SNCAIP: variants seen among roughly 807,000 people sequenced by gnomAD.
SNCAIP encodes synuclein alpha interacting protein.
Under a neutral mutation model 86.7 loss-of-function variants are expected in SNCAIP, and 43 were observed. The ratio of observed to expected loss-of-function variants is 0.50; its 90% CI spans 0.39 to 0.64. SNCAIP has a LOEUF of 0.64. Ranked by LOEUF, SNCAIP falls within the 30% of genes least tolerant of loss-of-function variation. The probability of loss-of-function intolerance (pLI) is 0.00; values close to 1 mark genes in which losing one functional copy is unlikely to be tolerated. For missense variants in SNCAIP, 981 were observed against 1,103.1 expected (o/e 0.89, Z 1.57); for synonymous variants, 417 against 427.2 (o/e 0.98, Z 0.29).
chr5:122,403,945 GT>G, intron 3 of SNCAIP, 80 bp downstream of exon 3: 1 of 1,023,526 alleles, frequency 9.8e-7, no homozygotes, highest in Non-Finnish European at 1.6e-6. Flanking sequence ...CCTCACACTG[GT>G]CCCCCCTGCT....
At chr5:122,313,339 C>A (rs1302739792) in intron 1 of SNCAIP, among the ~76,000 whole-genome samples, 1 of 152,258 alleles carries the variant, frequency 6.6e-6, no homozygotes, top group Non-Finnish European at 1.5e-5. Context: ...TCGCCACACA[C>A]CACGTGCCGT....
At position 122,423,647 on chromosome 5, in the gene SNCAIP, A is replaced by T; in HGVS notation, c.910A>T (p.Thr304Ser). The change falls in exon 4 of 11, where the codon ACC becomes TCC. Residue 304 changes from threonine (T) to serine (S), a missense_variant. Coordinates refer to ENST00000261368, the MANE Select transcript of SNCAIP (RefSeq NM_005460.4). ...PEEQVSGLNRTSSQGPEERSE... is the reference protein window; with the variant it reads ...PEEQVSGLNRSSSQGPEERSE... ...AGAGCAGGTCAGTGGCCTAAACCGG[A>T]CCAGCTCCCAAGGCCCAGAAGAAAG... is the stretch of plus-strand genomic sequence containing the variant. The T allele has an allele frequency of 1.2e-6, 2 of 1,612,760 alleles. No individual in the cohort carries two copies. The highest frequency in any genetic ancestry group is 1.7e-6 in the Non-Finnish European group (2 of 1,179,980).
chr5:122,343,308 A>G (rs533650213), intron 1 of SNCAIP, among the ~76,000 whole-genome samples: 221 of 152,280 alleles, frequency 1.5e-3, no homozygotes, highest in African/African-American at 5.1e-3. Flanking sequence ...ATCTTTCCTA[A>G]TAGTCGTTAC....
chr5:122,350,263 A>G (rs1476784883), intron 1 of SNCAIP, among the ~76,000 whole-genome samples: 3 of 152,214 alleles, frequency 2.0e-5, no homozygotes, highest in African/African-American at 4.8e-5. Context: ...TTCAGAGGAA[A>G]GAAGCATCAG....
At chr5:122,391,945 ATGTGATGAGAAGGTTGCTGTTTCTGAG>A (rs1382227179) in intron 2 of SNCAIP, among the ~76,000 whole-genome samples, 2 of 152,308 alleles carry the variant, frequency 1.3e-5, no homozygotes, top group East Asian at 3.9e-4. Context: ...CTCTCAGAGT[ATGTGATGAGAAGGTTGCTGTTTCTGAG>A]CTAGACATAC....
intron 1 of SNCAIP, among the ~76,000 whole-genome samples, chr5:122,367,809 A>T (rs1229194755): frequency 6.6e-6 from 1 of 152,114 alleles, no homozygotes; most frequent in Non-Finnish European, 1.5e-5. Context: ...GCATCCTTCA[A>T]ACTGGGCTCA....
chr5:122,443,486 T>C, intron 7 of SNCAIP: 1 of 358,140 alleles, frequency 2.8e-6, no homozygotes. Context: ...AACTTTCTCC[T>C]TTCTTATGAC....
chr5:122,354,183 A>G (rs1045924265), intron 1 of SNCAIP, among the ~76,000 whole-genome samples: 16 of 152,184 alleles, frequency 1.1e-4, no homozygotes, highest in African/African-American at 3.9e-4. Context: ...ATTTGAGTTT[A>G]CACTTCCTTG....
chr5:122,443,909 A>C (rs982783543), intron 7 of SNCAIP, among the ~76,000 whole-genome samples: 4 of 152,092 alleles, frequency 2.6e-5, no homozygotes, highest in Non-Finnish European at 4.4e-5. Flanking sequence ...GGGGCAGCCT[A>C]TTGCCAATTG....
chr5:122,416,068 C>T (rs1161982716), intron 3 of SNCAIP, among the ~76,000 whole-genome samples: 1 of 152,124 alleles, frequency 6.6e-6, no homozygotes, highest in Non-Finnish European at 1.5e-5. Flanking sequence ...AGTCTGATTT[C>T]GTGATGGAAT....
intron 3 of SNCAIP, among the ~76,000 whole-genome samples, chr5:122,407,671 C>T (rs547533351): frequency 6.6e-6 from 1 of 152,118 alleles, no homozygotes. Context: ...AAAAGGTCTA[C>T]AGCTATTTTT....
At chr5:122,343,072 T>C (rs1757909274) in intron 1 of SNCAIP, among the ~76,000 whole-genome samples, 1 of 152,240 alleles carries the variant, frequency 6.6e-6, no homozygotes, top group South Asian at 2.1e-4. Context: ...TTGGCAAATA[T>C]GTTCATGAGT....
In SNCAIP at chr5:122,354,148, C is replaced by T. The variant is rs560988000; in HGVS notation, c.-46-36941C>T. ...TCAAGTCTTCCAGCTGACACATTTA[C>T]GTGACCTGTCTGGACTCAGTAGACA... On this transcript the variant is annotated intron_variant, in intron 1 of 10. Transcript: ENST00000261368. Among the ~76,000 whole-genome samples the T allele has an allele frequency of 1.9e-3, 285 of 152,298 alleles. 3 individuals carry two copies. Among genetic ancestry groups the T allele is most frequent in the African/African-American group, 6.6e-3 (276 of 41,574 alleles).
chr5:122,458,447 G>A (rs1000585535), intron 10 of SNCAIP, among the ~76,000 whole-genome samples: 11 of 151,876 alleles, frequency 7.2e-5, no homozygotes, highest in African/African-American at 1.2e-4. Context: ...TGCACCACAC[G>A]TCTGCCACCA....
intron 6 of SNCAIP, among the ~76,000 whole-genome samples, chr5:122,434,007 A>G (rs1226729303): frequency 1.3e-5 from 2 of 152,164 alleles, no homozygotes; most frequent in East Asian, 1.9e-4. Flanking sequence ...CGACTTAACA[A>G]TATTTTCAAC....
At chr5:122,364,835 A>C (rs963313312) in intron 1 of SNCAIP, among the ~76,000 whole-genome samples, 1 of 152,184 alleles carries the variant, frequency 6.6e-6, no homozygotes, top group Non-Finnish European at 1.5e-5. Context: ...GTGTGACCAT[A>C]GGCAAGTCAC....
intron 1 of SNCAIP, among the ~76,000 whole-genome samples, chr5:122,352,929 C>T (rs762089090): frequency 3.3e-5 from 5 of 152,168 alleles, no homozygotes; most frequent in Non-Finnish European, 7.3e-5. Flanking sequence ...GAATCATCAC[C>T]AGCTTTCAGT....
At chr5:122,406,367 G>C (rs1772988471) in intron 3 of SNCAIP, among the ~76,000 whole-genome samples, 1 of 152,152 alleles carries the variant, frequency 6.6e-6, no homozygotes, top group Admixed American at 6.5e-5. Context: ...AATGCACTTT[G>C]GCTTCTGAGA....
chr5:122,312,644 G>C (rs907134058), intron 1 of SNCAIP: 10 of 152,580 alleles, frequency 6.6e-5, no homozygotes, highest in East Asian at 3.9e-4. Context: ...GCAGGGATGG[G>C]CAGTTCCGCG....
Sources: allele counts gnomAD v4.1 joint callset (sites outside exome capture counted in the v4.1 genomes callset), GRCh38; gene constraint gnomAD v4.1.1; transcripts MANE v1.5; gene names NCBI Gene and HGNC (gene_info 2026-07-23, HGNC 2026-07-21).